The following DIAPH3 variants were observed in gnomAD, a reference collection of about 807,000 sequenced individuals.
DIAPH3 encodes diaphanous related formin 3, also known as protein diaphanous homolog 3.
Under a neutral mutation model 144.3 loss-of-function variants are expected in DIAPH3, and 117 were observed. That is an observed-to-expected ratio of 0.81 (90% CI 0.70 to 0.95). DIAPH3 has a LOEUF of 0.95. Among genes scored for constraint, DIAPH3 ranks in the 40% least tolerant of loss-of-function variants. The probability of loss-of-function intolerance (pLI) is 0.00; values close to 1 mark genes in which losing one functional copy is unlikely to be tolerated. For synonymous variants in DIAPH3, 519 were observed against 488.9 expected (o/e 1.06, Z -0.81); for missense variants, 1,421 against 1,412.7 (o/e 1.01, Z -0.09).
At chr13:59,862,970 AC>A (rs889228898) in intron 21 of DIAPH3, among the ~76,000 whole-genome samples, 16 of 152,118 alleles carry the variant, frequency 1.1e-4, no homozygotes, top group Non-Finnish European at 2.1e-4. Context: ...CCAACTTGTG[AC>A]CCCTTTCCTC....
intron 25 of DIAPH3, among the ~76,000 whole-genome samples, chr13:59,805,750 G>C (rs888822182): frequency 6.6e-6 from 1 of 151,842 alleles, no homozygotes; most frequent in African/African-American, 2.4e-5. Context: ...GAAAATAGGA[G>C]ACTGCTTTCT....
intron 22 of DIAPH3, among the ~76,000 whole-genome samples, chr13:59,850,676 G>T (rs1219426480): frequency 6.6e-6 from 1 of 152,038 alleles, no homozygotes; most frequent in Non-Finnish European, 1.5e-5. Context: ...AAGCCCACTT[G>T]ATCATGATAA....
intron 9 of DIAPH3, among the ~76,000 whole-genome samples, chr13:59,998,543 G>A (rs1035831229): frequency 6.6e-6 from 1 of 152,076 alleles, no homozygotes. Flanking sequence ...GTTGTCCACT[G>A]TAGAATAAAT....
intron 4 of DIAPH3, among the ~76,000 whole-genome samples, chr13:60,085,821 T>C (rs1229851781): frequency 6.6e-6 from 1 of 152,136 alleles, no homozygotes; most frequent in Non-Finnish European, 1.5e-5. Context: ...ACATTCATGG[T>C]TATCTGACAT....
At chr13:59,722,729 C>T (rs79559583) in intron 27 of DIAPH3, among the ~76,000 whole-genome samples, 2,958 of 152,206 alleles carry the variant, frequency 0.019, 80 homozygotes, top group East Asian at 0.12. Flanking sequence ...ATGGGGACTT[C>T]CTGTTAGGGA....
At chr13:59,755,331 A>C (rs2037203571) in intron 27 of DIAPH3, among the ~76,000 whole-genome samples, 1 of 152,172 alleles carries the variant, frequency 6.6e-6, no homozygotes, top group Admixed American at 6.6e-5. Flanking sequence ...AAAATATTAA[A>C]ACTTAATGAG....
chr13:59,928,871 G>T (rs1163226359), intron 17 of DIAPH3, among the ~76,000 whole-genome samples: 1 of 152,140 alleles, frequency 6.6e-6, no homozygotes, highest in East Asian at 1.9e-4. Context: ...GCCCCTGGGG[G>T]TTGTACTTGG....
intron 15 of DIAPH3, among the ~76,000 whole-genome samples, chr13:59,971,721 G>A (rs1033237013): frequency 1.1e-4 from 17 of 152,130 alleles, no homozygotes; most frequent in Non-Finnish European, 1.6e-4. Context: ...AAAATTCTTC[G>A]TAGGACCTAT....
chr13:59,819,443 A>G (rs1251827235), intron 24 of DIAPH3, among the ~76,000 whole-genome samples: 2 of 151,868 alleles, frequency 1.3e-5, no homozygotes, highest in African/African-American at 4.8e-5. Flanking sequence ...ATGGATTTTT[A>G]AGAGTCCCTA....
intron 20 of DIAPH3, among the ~76,000 whole-genome samples, chr13:59,887,453 A>G (rs941806635): frequency 6.6e-6 from 1 of 152,024 alleles, no homozygotes; most frequent in East Asian, 1.9e-4. Flanking sequence ...ATTTGGCTCA[A>G]AATAATTCCT....
At chr13:59,971,370 T>C (rs2050366225) in intron 15 of DIAPH3, among the ~76,000 whole-genome samples, 2 of 152,112 alleles carry the variant, frequency 1.3e-5, no homozygotes, top group African/African-American at 4.8e-5. Flanking sequence ...AAAAACATAA[T>C]TGCCAGAAGT....
At chr13:59,672,551 C>T (rs1257013282) in intron 27 of DIAPH3, among the ~76,000 whole-genome samples, 1 of 152,176 alleles carries the variant, frequency 6.6e-6, no homozygotes, top group Non-Finnish European at 1.5e-5. Context: ...AAGAATCACT[C>T]ATAAATATAA....
intron 1 of DIAPH3, among the ~76,000 whole-genome samples, chr13:60,134,993 A>T (rs2059233206): frequency 6.6e-6 from 1 of 152,132 alleles, no homozygotes; most frequent in Admixed American, 6.5e-5. Flanking sequence ...TCCAGGCAAG[A>T]TTTATGATCT....
chr13:60,155,177 A>T (rs1045053665), intron 1 of DIAPH3, among the ~76,000 whole-genome samples: 3 of 152,204 alleles, frequency 2.0e-5, no homozygotes, highest in African/African-American at 7.2e-5. Context: ...AATTGCTACA[A>T]GATAGACTAG....
intron 17 of DIAPH3, among the ~76,000 whole-genome samples, chr13:59,964,031 T>C (rs2049916073): frequency 2.0e-5 from 3 of 152,010 alleles, no homozygotes; most frequent in Non-Finnish European, 4.4e-5. Context: ...CTTTAAGCAA[T>C]CGGAGGGCAA....
chr13:59,798,976 A>C (rs950440151), intron 25 of DIAPH3, among the ~76,000 whole-genome samples: 1 of 152,118 alleles, frequency 6.6e-6, no homozygotes, highest in African/African-American at 2.4e-5. Flanking sequence ...CAAGAAGCTG[A>C]GTGCTGTGGT....
intron 24 of DIAPH3, among the ~76,000 whole-genome samples, chr13:59,813,690 C>T (rs750415152): frequency 1.1e-4 from 16 of 151,766 alleles, no homozygotes; most frequent in Admixed American, 3.3e-4. Context: ...CCCGTCTCTA[C>T]TAAAAATACA....
At position 60,042,282 on chromosome 13, in the gene DIAPH3, C is replaced by T. The variant is rs192921817; in HGVS notation, c.626+408G>A. Among the ~76,000 whole-genome samples the T allele has an allele frequency of 2.2e-3, 341 of 152,200 alleles. 2 individuals are homozygous for T. The highest frequency in any genetic ancestry group is 7.5e-3 in the African/African-American group (311 of 41,532). On this transcript the variant is annotated intron_variant, in intron 5 of 27. Transcript: ENST00000400324. ...AAATATAGCAATACTAACCTATAGGCCCCTACAACGACATCATTTCCAACA... is the reference window on the plus strand; with the variant it reads ...AAATATAGCAATACTAACCTATAGGTCCCTACAACGACATCATTTCCAACA...
intron 19 of DIAPH3, among the ~76,000 whole-genome samples, chr13:59,913,761 C>T (rs1046884509): frequency 8.6e-5 from 13 of 151,990 alleles, no homozygotes; most frequent in Admixed American, 6.5e-5. Context: ...AGTTCAAGAC[C>T]AGCCTGGCCA....
Sources: gnomAD v4.1 joint callset for allele counts (sites outside exome capture counted in the v4.1 genomes callset) on GRCh38, gnomAD v4.1.1 for gene constraint, MANE v1.5 for transcripts, NCBI Gene and HGNC (gene_info 2026-07-23, HGNC 2026-07-21) for gene names.